Variants in KYAT1 observed in about 807,000 individuals in gnomAD.
KYAT1 encodes kynurenine aminotransferase 1.
Under a neutral mutation model 52.4 loss-of-function variants are expected in KYAT1, and 47 were observed. The ratio of observed to expected loss-of-function variants is 0.90; its 90% CI spans 0.71 to 1.14. The LOEUF (loss-of-function observed/expected upper bound fraction) is 1.14, where lower values mean the gene tolerates loss of function less well. Among genes scored for constraint, KYAT1 ranks in the 50% most tolerant of loss-of-function variants. The pLI is 0.00. For missense variants in KYAT1, 480 were observed against 557.9 expected (o/e 0.86, Z 1.41); for synonymous variants, 212 against 209.6 (o/e 1.01, Z -0.10).
At position 128,836,879 on chromosome 9, in the gene KYAT1, T is replaced by G; in HGVS notation, c.611A>C (p.Gln204Pro). The G allele has an allele frequency of 6.2e-7, 1 of 1,613,870 alleles. No individual in the cohort carries two copies. The highest frequency in any genetic ancestry group is 8.5e-7 in the Non-Finnish European group (1 of 1,180,006). ...EELELVASLC[Q>P]QHDVVCITDE... ...AGTGATACACACCACGTCATGCTGC[T>G]GGCAAAGGCTGGCCACCAGCTCCAG... is the stretch of plus-strand genomic sequence containing the variant. The change falls in exon 7 of 13, where the codon CAG becomes CCG. Residue 204 changes from glutamine to proline, a missense_variant. By Grantham distance (76) the Gln-to-Pro change is moderately conservative. Coordinates refer to ENST00000302586, the MANE Select transcript of KYAT1 (RefSeq NM_004059.5).
In KYAT1 at chr9:128,865,338, TATATATATATA is replaced by T. The variant is rs1564491663; in HGVS notation, c.-7+16548_-7+16558del. 4.6e-3 allele frequency among the ~76,000 whole-genome samples: 10 copies of T among 2,168 alleles called. 1 individual carries two copies. The highest frequency in any genetic ancestry group is 0.016 in the South Asian group (1 of 64). 1.4% of individuals were successfully genotyped at this position (2,168 alleles called of 152,430 possible). ...ATATATATATATATATATATATATA[TATATATATATA>T]TATATATATATTTTTTTTTTTTTTT... is the stretch of plus-strand genomic sequence containing the variant. On this transcript the variant is annotated intron_variant, in intron 1 of 12. Coordinates refer to ENST00000302586, the MANE Select transcript of KYAT1 (RefSeq NM_004059.5).
intron 1 of KYAT1, among the ~76,000 whole-genome samples, chr9:128,870,362 T>C (rs1837061314): frequency 6.6e-6 from 1 of 152,178 alleles, no homozygotes; most frequent in Non-Finnish European, 1.5e-5. Flanking sequence ...ATATATTAAG[T>C]GAGGCCAGGG....
chr9:128,835,705 T>C, intron 9 of KYAT1, 38 bp from the exon 10 acceptor site: 2 of 1,606,112 alleles, frequency 1.2e-6, no homozygotes, highest in South Asian at 1.1e-5. Flanking sequence ...AGATCAGCTG[T>C]TCCCTGACGC....
Position 128,833,361 on chromosome 9 carries a change from A to G in KYAT1, c.*223T>C. 1.6e-6 allele frequency: 1 copy of G among 611,014 alleles called. No homozygotes were observed. Among genetic ancestry groups the G allele is most frequent in the Admixed American group, 2.8e-5 (1 of 35,106 alleles). The allele number at this position is 611,014 out of a possible 1,614,324, so 37.8% of individuals were successfully genotyped here. A position where few individuals can be genotyped will look rare whatever the true frequency, so the allele number is the denominator to read the frequency against. On this transcript the variant is annotated 3_prime_UTR_variant, in exon 13 of 13. Transcript: ENST00000302586. ...CAAACCCACCTATGGAGGGGCAGGG[A>G]GAGGCCCAGGTCAGGCCACCCTCAC...
At chr9:128,858,735 C>T (rs995977280) in intron 1 of KYAT1, among the ~76,000 whole-genome samples, 7 of 151,444 alleles carry the variant, frequency 4.6e-5, no homozygotes, top group African/African-American at 1.2e-4. Context: ...AGGCCAGGCC[C>T]GGTGGCTCAC....
intron 1 of KYAT1, chr9:128,847,743 G>C (rs1042189346): frequency 2.0e-6 from 1 of 502,204 alleles, no homozygotes; most frequent in Non-Finnish European, 3.5e-6. Context: ...ATCCGACTCC[G>C]TCCTTATAAG....
intron 1 of KYAT1, among the ~76,000 whole-genome samples, chr9:128,881,156 C>T (rs1838816201): frequency 6.6e-6 from 1 of 152,160 alleles, no homozygotes; most frequent in Non-Finnish European, 1.5e-5. Flanking sequence ...TCTCGGCTCA[C>T]TGCAAGCTCC....
chr9:128,882,473 C>G (rs1172651140), upstream of KYAT1: 6 of 376,182 alleles, frequency 1.6e-5, no homozygotes, highest in South Asian at 4.4e-4. Context: ...GGCGCGCGAG[C>G]CCCCTCCCAG....
intron 1 of KYAT1, among the ~76,000 whole-genome samples, chr9:128,859,712 G>C (rs1835189793): frequency 1.3e-5 from 2 of 150,998 alleles, no homozygotes; most frequent in African/African-American, 4.9e-5. Context: ...GCAGTGGCGC[G>C]ATCTCGGCTC....
intron 1 of KYAT1, among the ~76,000 whole-genome samples, chr9:128,874,477 AT>A (rs201177365): frequency 0.074 from 10,272 of 139,670 alleles, 497 homozygotes; most frequent in African/African-American, 0.15. Context: ...ATGCTCAGCT[AT>A]TTTTTTTTTT....
At chr9:128,844,726 G>A (rs1434427575) in intron 2 of KYAT1, among the ~76,000 whole-genome samples, 3 of 151,528 alleles carry the variant, frequency 2.0e-5, no homozygotes, top group South Asian at 2.1e-4. Context: ...TTAGCTGGGC[G>A]TTGTGTTGCA....
At chr9:128,877,974 T>C (rs755496370) in intron 1 of KYAT1, among the ~76,000 whole-genome samples, 150 of 152,236 alleles carry the variant, frequency 9.9e-4, no homozygotes, top group Non-Finnish European at 1.6e-3. Context: ...TTGGATCAAA[T>C]AGTCCCAGCT....
intron 1 of KYAT1, among the ~76,000 whole-genome samples, chr9:128,850,122 T>C (rs1564471774): frequency 6.6e-6 from 1 of 151,774 alleles, no homozygotes; most frequent in Non-Finnish European, 1.5e-5. Context: ...TGGCCTGAAG[T>C]TGTTCTGCTC....
intron 11 of KYAT1, 62 bp downstream of exon 11, chr9:128,835,261 A>G (rs573227340): frequency 2.1e-6 from 3 of 1,403,890 alleles, no homozygotes; most frequent in Admixed American, 1.7e-5. Flanking sequence ...TTGCCTGGGC[A>G]CCCTTGAGCA....
intron 3 of KYAT1, chr9:128,840,781 C>T (rs1354098146): frequency 6.5e-6 from 2 of 308,658 alleles, no homozygotes; most frequent in East Asian, 9.7e-5. Flanking sequence ...GCCTCAAACT[C>T]CTGGGCTCAA....
chr9:128,858,993 C>CAAAA (rs61541653), intron 1 of KYAT1, among the ~76,000 whole-genome samples: 1 of 75,506 alleles, frequency 1.3e-5, no homozygotes, highest in Non-Finnish European at 2.9e-5. Context: ...GACTCCATCT[C>CAAAA]AAAAAAAAAA....
chr9:128,878,095 T>C lies in KYAT1; in HGVS notation c.-7+3802A>G, dbSNP rs542385745. On this transcript the variant is annotated intron_variant, in intron 1 of 12. Transcript: ENST00000302586. ...ACAAGAATCCACAGAGAATATACTG[T>C]GGGTCCTGGCTCACAGCCACTTGTC... Among the ~76,000 whole-genome samples, 3 of 152,098 alleles carry C rather than the reference T, an allele frequency of 2.0e-5. No homozygotes were observed. The East Asian group carries it at 5.8e-4, about 29-fold the overall frequency.
At chr9:128,854,521 A>C (rs186627737) in intron 1 of KYAT1, among the ~76,000 whole-genome samples, 1 of 152,336 alleles carries the variant, frequency 6.6e-6, no homozygotes, top group African/African-American at 2.4e-5. Context: ...CCACCAAAAA[A>C]GCGAAGCCGC....
At chr9:128,859,204 T>G (rs903545803) in intron 1 of KYAT1, among the ~76,000 whole-genome samples, 1 of 147,948 alleles carries the variant, frequency 6.8e-6, no homozygotes, top group Non-Finnish European at 1.5e-5. Flanking sequence ...CTACTAAAAA[T>G]ACAGAAATTA....
Sources: gnomAD v4.1 joint callset for allele counts (sites outside exome capture counted in the v4.1 genomes callset) on GRCh38, gnomAD v4.1.1 for gene constraint, MANE v1.5 for transcripts, NCBI Gene and HGNC (gene_info 2026-07-23, HGNC 2026-07-21) for gene names.